The following DENND1A variants were observed in gnomAD, a reference collection of about 807,000 sequenced individuals.
The protein encoded by DENND1A is DENN domain containing 1A, also known as DENN domain-containing protein 1A.
Under a neutral mutation model 113.7 loss-of-function variants are expected in DENND1A, and 51 were observed. The observed-to-expected ratio is 0.45, with a 90% CI of 0.36 to 0.57. The LOEUF is 0.57. Ranked by LOEUF, DENND1A falls within the 20% of genes least tolerant of loss-of-function variation. The probability of loss-of-function intolerance (pLI) is 0.00; values close to 1 mark genes in which losing one functional copy is unlikely to be tolerated. For missense variants in DENND1A, 1,258 were observed against 1,395.9 expected, an observed-to-expected ratio of 0.90 and a Z score of 1.57; for synonymous variants, 565 against 570.8, an observed-to-expected ratio of 0.99 and a Z score of 0.14.
At chr9:123,744,770 CTTTTTTTTTTTTT>C (rs57945475) in intron 5 of DENND1A, among the ~76,000 whole-genome samples, 1 of 102,732 alleles carries the variant, frequency 9.7e-6, no homozygotes, top group Non-Finnish European at 2.0e-5. Context: ...TATATTAGCT[CTTTTTTTTTTTTT>C]TTTTTTTTTG....
chr9:123,739,498 A>C (rs1273201419), intron 5 of DENND1A, among the ~76,000 whole-genome samples: 1 of 152,210 alleles, frequency 6.6e-6, no homozygotes, highest in African/African-American at 2.4e-5. Flanking sequence ...GGGAGTGATG[A>C]ATTGAGAAAA....
At chr9:123,613,094 T>C (rs565032214) in intron 10 of DENND1A, among the ~76,000 whole-genome samples, 1 of 152,242 alleles carries the variant, frequency 6.6e-6, no homozygotes, top group East Asian at 1.9e-4. Flanking sequence ...ACACCATCTC[T>C]ACACATGGAT....
intron 10 of DENND1A, among the ~76,000 whole-genome samples, chr9:123,616,926 T>C (rs2060679923): frequency 6.6e-6 from 1 of 152,244 alleles, no homozygotes; most frequent in Admixed American, 6.5e-5. Flanking sequence ...TTATTGCATA[T>C]GCGCAAACCG....
intron 13 of DENND1A, among the ~76,000 whole-genome samples, chr9:123,513,399 G>A (rs781454581): frequency 9.9e-5 from 15 of 152,198 alleles, no homozygotes; most frequent in Non-Finnish European, 2.2e-4. Flanking sequence ...ACTTTTTAGG[G>A]TGGGTCCCAG....
At chr9:123,853,306 C>T (rs566129218) in intron 2 of DENND1A, among the ~76,000 whole-genome samples, 4 of 151,956 alleles carry the variant, frequency 2.6e-5, no homozygotes, top group East Asian at 1.9e-4. Flanking sequence ...AGAATAGAAG[C>T]GGGGGAGAAA....
chr9:123,846,613 A>G (rs1000815964), intron 2 of DENND1A, among the ~76,000 whole-genome samples: 4 of 152,224 alleles, frequency 2.6e-5, no homozygotes, highest in African/African-American at 9.6e-5. Flanking sequence ...GACAAATAAT[A>G]TATGATTCCA....
chr9:123,617,030 C>T (rs978997714), intron 10 of DENND1A, among the ~76,000 whole-genome samples: 2 of 152,188 alleles, frequency 1.3e-5, no homozygotes, highest in African/African-American at 4.8e-5. Flanking sequence ...AAGGTGGGTC[C>T]CCATAATTCA....
rs529921930 is a variant in DENND1A, at chr9:123,414,497, G to A, written c.1489-2668C>T. 7.1e-6 allele frequency: 11 copies of A among 1,541,250 alleles called. No homozygotes were observed. The East Asian group carries it at 7.4e-5, about 10-fold the overall frequency. ...GCTGAGAAACACCATCCTGGGAGAC[G>A]CATTGTGTGAAGGGAAAAAAGGAGG... is the stretch of plus-strand genomic sequence containing the variant. On this transcript the variant is annotated intron_variant, in intron 19 of 23. Transcript: ENST00000394215.
At chr9:123,572,100 T>C (rs2058386733) in intron 12 of DENND1A, among the ~76,000 whole-genome samples, 1 of 152,202 alleles carries the variant, frequency 6.6e-6, no homozygotes, top group African/African-American at 2.4e-5. Flanking sequence ...ATCACCACAA[T>C]CAAGATACAG....
intron 18 of DENND1A, among the ~76,000 whole-genome samples, chr9:123,446,879 T>C (rs900405580): frequency 6.6e-6 from 1 of 152,170 alleles, no homozygotes; most frequent in Non-Finnish European, 1.5e-5. Flanking sequence ...GGCTGTGAAA[T>C]GGGCCCATTT....
At chr9:123,597,788 C>A (rs1340897045) in intron 11 of DENND1A, among the ~76,000 whole-genome samples, 2 of 152,092 alleles carry the variant, frequency 1.3e-5, no homozygotes, top group South Asian at 4.2e-4. Context: ...TATTTATAAA[C>A]CCCCTCCCTC....
In DENND1A at chr9:123,807,670, G is replaced by C. The variant is rs139371862; in HGVS notation, c.89-15040C>G. Among the ~76,000 whole-genome samples, 140 of 152,288 alleles carry C rather than the reference G, an allele frequency of 9.2e-4. 1 individual carries two copies. The highest frequency in any genetic ancestry group is 3.2e-3 in the African/African-American group (133 of 41,554). On this transcript the variant is annotated intron_variant, in intron 2 of 23. Coordinates refer to ENST00000394215, the MANE Select transcript of DENND1A (RefSeq NM_001352964.2). ...TGCTGAATTGAATTCTATCTGAATT[G>C]CCCTTATTAAATTTCCTGGGATAGA...
At chr9:123,524,646 AG>A (rs1286875283) in intron 13 of DENND1A, among the ~76,000 whole-genome samples, 1 of 152,246 alleles carries the variant, frequency 6.6e-6, no homozygotes, top group African/African-American at 2.4e-5. Flanking sequence ...GTAAAGTGGC[AG>A]ATGAACCAGG....
intron 13 of DENND1A, among the ~76,000 whole-genome samples, chr9:123,530,855 TAATAA>T (rs1291272792): frequency 3.3e-5 from 5 of 152,132 alleles, no homozygotes; most frequent in African/African-American, 4.8e-5. Flanking sequence ...TAACAATAAT[TAATAA>T]AATAAATAGA....
intron 11 of DENND1A, among the ~76,000 whole-genome samples, chr9:123,583,841 A>C (rs545181127): frequency 6.6e-6 from 1 of 152,234 alleles, no homozygotes; most frequent in African/African-American, 2.4e-5. Flanking sequence ...AATGGCTCAG[A>C]AGCTCTGGCC....
intron 19 of DENND1A, chr9:123,413,559 G>A (rs918456270): frequency 1.7e-5 from 17 of 985,372 alleles, no homozygotes; most frequent in Non-Finnish European, 2.0e-5. Flanking sequence ...TGCTCTGCAT[G>A]GAACCTGTCG....
intron 5 of DENND1A, among the ~76,000 whole-genome samples, chr9:123,696,198 C>T (rs2065509776): frequency 6.6e-6 from 1 of 152,158 alleles, no homozygotes; most frequent in South Asian, 2.1e-4. Context: ...TAAAAAAATA[C>T]AGCCATGTTT....
At chr9:123,643,951 C>T (rs1478171036) in intron 9 of DENND1A, among the ~76,000 whole-genome samples, 1 of 152,176 alleles carries the variant, frequency 6.6e-6, no homozygotes, top group Non-Finnish European at 1.5e-5. Flanking sequence ...CCAACAGGGT[C>T]ATGCTAAGAA....
Position 123,381,725 on chromosome 9 carries a change from G to T in DENND1A, c.2920C>A (p.Pro974Thr). 6.5e-7 allele frequency: 1 copy of T among 1,530,864 alleles called. No individual in the cohort carries two copies. Among genetic ancestry groups the T allele is most frequent in the Non-Finnish European group, 8.8e-7 (1 of 1,138,224 alleles). 94.8% of individuals were successfully genotyped at this position (1,530,864 alleles called of 1,614,324 possible). A position where few individuals can be genotyped will look rare whatever the true frequency, so the allele number is the denominator to read the frequency against. ...ATCCTCGACGGGGCAACTGCTGGGG[G>T]ACCCAGCGGCTGTAGGGGGCTCGTG... The part of the protein sequence containing the change: ...THTSPLQPLG[P>T]PAVAPSRIRT... The change falls in exon 24 of 24, where the codon CCC (proline) becomes ACC (threonine). Residue 974 changes from proline to threonine, a missense_variant. Around this residue, in one of 2 missense-constraint regions of DENND1A, gnomAD observed 1,159 missense variants for 1,231.7 expected, o/e 0.94. Coordinates refer to ENST00000394215, the MANE Select transcript of DENND1A (RefSeq NM_001352964.2). The surrounding 1 kb of genome is among the most constrained non-coding windows in gnomAD (Gnocchi z 4.7).
Sources: gnomAD v4.1 joint callset for allele counts (sites outside exome capture counted in the v4.1 genomes callset) on GRCh38, gnomAD v4.1.1 for gene constraint, gnomAD v4.1.1 regional missense constraint, Gnocchi (gnomAD v3.1) non-coding constraint, MANE v1.5 for transcripts, NCBI Gene and HGNC (gene_info 2026-07-23, HGNC 2026-07-21) for gene names.